The following ANO6 variants were observed in gnomAD, a reference collection of about 807,000 sequenced individuals.
ANO6 encodes the protein anoctamin 6, also known as anoctamin-6.
In ANO6, 106 loss-of-function variants were observed where a neutral mutation model predicts 117.5. The observed-to-expected ratio is 0.90, with a 90% confidence interval of 0.77 to 1.06. The LOEUF (loss-of-function observed/expected upper bound fraction) is 1.06. Among genes scored for constraint, ANO6 ranks in the 50% least tolerant of loss-of-function variants. The pLI is 0.00. For synonymous variants in ANO6, 367 were observed against 385.1 expected, an observed-to-expected ratio of 0.95 and a Z score of 0.55; for missense variants, 955 against 1,121.1, an observed-to-expected ratio of 0.85 and a Z score of 2.12.
chr12:45,241,186 C>T (rs887207817), intron 1 of ANO6, among the ~76,000 whole-genome samples: 1 of 152,212 alleles, frequency 6.6e-6, no homozygotes, highest in Admixed American at 6.5e-5. Context: ...TTCAGGTACA[C>T]CAATCAAACA....
intron 16 of ANO6, among the ~76,000 whole-genome samples, chr12:45,413,510 G>A (rs1943138393): frequency 6.6e-6 from 1 of 152,222 alleles, no homozygotes; most frequent in African/African-American, 2.4e-5. Flanking sequence ...GAGGAGCCAT[G>A]GGTGAGGCCA....
chr12:45,409,224 C>G, intron 15 of ANO6, 133 bp from the exon 16 acceptor site: 2 of 1,217,158 alleles, frequency 1.6e-6, no homozygotes, highest in Non-Finnish European at 2.3e-6. Flanking sequence ...GAAATAAAAA[C>G]AAATTTAGCA....
At chr12:45,322,795 C>T (rs553681594) in intron 2 of ANO6, among the ~76,000 whole-genome samples, 1 of 152,070 alleles carries the variant, frequency 6.6e-6, no homozygotes, top group East Asian at 1.9e-4. Flanking sequence ...TTGCATAACC[C>T]CAACTGCTTG....
intron 1 of ANO6, among the ~76,000 whole-genome samples, chr12:45,278,205 A>T (rs1186364751): frequency 6.6e-6 from 1 of 151,898 alleles, no homozygotes; most frequent in African/African-American, 2.4e-5. Flanking sequence ...GATCCTCCCC[A>T]CCTTAGCCCC....
At chr12:45,378,498 G>A (rs1187979083) in intron 10 of ANO6, among the ~76,000 whole-genome samples, 1 of 151,994 alleles carries the variant, frequency 6.6e-6, no homozygotes, top group East Asian at 1.9e-4. Flanking sequence ...TGCTCCACAT[G>A]GTGTCTCATC....
At chr12:45,405,741 C>G (rs1279862570) in intron 15 of ANO6, among the ~76,000 whole-genome samples, 1 of 152,130 alleles carries the variant, frequency 6.6e-6, no homozygotes, top group Non-Finnish European at 1.5e-5. Flanking sequence ...GAAACCCCAT[C>G]TCTACTGAAA....
Position 45,416,797 on chromosome 12 carries a change from T to C in ANO6, c.2110T>C (p.Trp704Arg). 1 of 1,614,154 alleles carries C rather than the reference T, an allele frequency of 6.2e-7. No individual in the cohort carries two copies. The highest frequency in any genetic ancestry group is 1.3e-5 in the African/African-American group (1 of 75,022). Residue 704 changes from tryptophan (W) to arginine (R), a missense_variant, in exon 17 of 20, where the codon TGG (tryptophan) becomes CGG (arginine). By Grantham distance (101) the Trp-to-Arg change is moderately radical. Transcript: ENST00000320560. ...NNILEIRVDA[W>R]KLTTQFRRLV... The stretch of plus-strand genomic sequence containing the variant: ...TATATTGGAAATAAGAGTGGACGCA[T>C]GGAAACTGACCACCCAGTTTAGACG...
At chr12:45,424,857 C>G (rs922771144) in intron 19 of ANO6, among the ~76,000 whole-genome samples, 2 of 151,988 alleles carry the variant, frequency 1.3e-5, no homozygotes, top group Non-Finnish European at 2.9e-5. Flanking sequence ...TGTGTATCTT[C>G]TCTGGAGAAA....
chr12:45,274,349 G>T (rs1286723369), intron 1 of ANO6, among the ~76,000 whole-genome samples: 1 of 151,960 alleles, frequency 6.6e-6, no homozygotes, highest in Non-Finnish European at 1.5e-5. Context: ...GATTTGTTTC[G>T]TGAGTCTATA....
chr12:45,266,066 G>A (rs1217599883), intron 1 of ANO6, among the ~76,000 whole-genome samples: 2 of 152,156 alleles, frequency 1.3e-5, no homozygotes, highest in Non-Finnish European at 2.9e-5. Context: ...ACTTCCCCTG[G>A]CCATTCAAGG....
chr12:45,338,664 G>A (rs950126969), intron 3 of ANO6, among the ~76,000 whole-genome samples: 1 of 151,946 alleles, frequency 6.6e-6, no homozygotes, highest in Non-Finnish European at 1.5e-5. Flanking sequence ...AGGTAAAAAG[G>A]AATAAATTAA....
intron 1 of ANO6, among the ~76,000 whole-genome samples, chr12:45,217,966 T>G (rs1279582935): frequency 6.6e-6 from 1 of 152,148 alleles, no homozygotes; most frequent in East Asian, 1.9e-4. Context: ...GTGCCAGCAG[T>G]AGATCTCAGT....
At chr12:45,413,163 G>A (rs147506333) in intron 16 of ANO6, among the ~76,000 whole-genome samples, 17 of 152,306 alleles carry the variant, frequency 1.1e-4, no homozygotes, top group African/African-American at 4.1e-4. Flanking sequence ...GATCAATCAC[G>A]CAGCAGAATG....
At chr12:45,238,918 T>G (rs1592854444) in intron 1 of ANO6, among the ~76,000 whole-genome samples, 1 of 152,252 alleles carries the variant, frequency 6.6e-6, no homozygotes, top group South Asian at 2.1e-4. Flanking sequence ...ATAAGCTTTT[T>G]GATGTGCTGC....
Position 45,430,697 on chromosome 12 carries a change from T to G in ANO6, c.*1386T>G, listed in dbSNP as rs953429884. On this transcript the variant is annotated 3_prime_UTR_variant, in exon 20 of 20. Coordinates refer to ENST00000320560, the MANE Select transcript of ANO6 (RefSeq NM_001025356.3). ...CTACCATTATCTGGAGATTACTTCC[T>G]GCTGCACTCCTGTCTTGCCATGCAC... is the stretch of plus-strand genomic sequence containing the variant. 2.0e-6 allele frequency: 2 copies of G among 985,514 alleles called. No individual in the cohort carries two copies. Among genetic ancestry groups the G allele is most frequent in the Non-Finnish European group, 2.4e-6 (2 of 829,980 alleles). The allele number at this position is 985,514 out of a possible 1,614,324, so 61.0% of individuals were successfully genotyped here.
intron 1 of ANO6, among the ~76,000 whole-genome samples, chr12:45,227,705 T>C (rs1947506205): frequency 6.6e-6 from 1 of 152,184 alleles, no homozygotes. Flanking sequence ...AACATTGCTG[T>C]CCATTTTTGT....
intron 2 of ANO6, among the ~76,000 whole-genome samples, chr12:45,322,796 C>T (rs950172656): frequency 6.6e-6 from 1 of 152,108 alleles, no homozygotes; most frequent in Non-Finnish European, 1.5e-5. Context: ...TGCATAACCC[C>T]AACTGCTTGC....
At chr12:45,278,864 T>A (rs1307005404) in intron 1 of ANO6, among the ~76,000 whole-genome samples, 1 of 152,196 alleles carries the variant, frequency 6.6e-6, no homozygotes, top group Non-Finnish European at 1.5e-5. Context: ...GTGACCTGTT[T>A]GGCTGTTTGT....
intron 16 of ANO6, among the ~76,000 whole-genome samples, 191 bp from the exon 17 acceptor site, chr12:45,416,504 TAATC>T (rs1296050254): frequency 6.6e-6 from 1 of 152,268 alleles, no homozygotes; most frequent in Non-Finnish European, 1.5e-5. Context: ...AGGCTATAAT[TAATC>T]TTCTTTCCAG....
Sources: allele counts gnomAD v4.1 joint callset (sites outside exome capture counted in the v4.1 genomes callset), GRCh38; gene constraint gnomAD v4.1.1; transcripts MANE v1.5; gene names NCBI Gene and HGNC (gene_info 2026-07-23, HGNC 2026-07-21).